Variants in ELAPOR2 observed in about 807,000 individuals in gnomAD.
ELAPOR2 encodes endosome/lysosome-associated apoptosis and autophagy regulator family member 2.
A neutral mutation model predicts 120.7 loss-of-function variants in ELAPOR2; 89 were observed. That is an observed-to-expected ratio of 0.74 (90% CI 0.62 to 0.88). ELAPOR2 has a LOEUF of 0.88. Among genes scored for constraint, ELAPOR2 ranks in the 40% least tolerant of loss-of-function variants. The pLI, the probability that ELAPOR2 is intolerant of heterozygous loss-of-function variation, is 0.00. For synonymous variants in ELAPOR2, 444 were observed against 444.9 expected, an observed-to-expected ratio of 1.00 and a Z score of 0.03; for missense variants, 1,134 against 1,251.6, an observed-to-expected ratio of 0.91 and a Z score of 1.42.
rs556431647 is a variant in ELAPOR2, at chr7:86,913,996, C to T, written c.1731+727G>A. 6.5e-4 allele frequency among the ~76,000 whole-genome samples: 99 copies of T among 152,300 alleles called. No individual in the cohort carries two copies. In the Middle Eastern group the frequency reaches 0.02, roughly 31 times the overall value. ...TTATCTTAACCTTCATAAGGAATAA[C>T]TGGAGTCAAGTACAATCTGGGGAAT... On this transcript the variant is annotated intron_variant, in intron 13 of 21. Transcript: ENST00000450689.
chr7:86,897,657 A>G, intron 18 of ELAPOR2, 25 bp from the exon 19 acceptor site: 1 of 1,612,234 alleles, frequency 6.2e-7, no homozygotes, highest in Non-Finnish European at 8.5e-7. Flanking sequence ...AAAACCAAAA[A>G]CACATAAGTG....
At chr7:87,011,391 C>A (rs891946556) in intron 1 of ELAPOR2, among the ~76,000 whole-genome samples, 1 of 152,162 alleles carries the variant, frequency 6.6e-6, no homozygotes, top group Admixed American at 6.5e-5. Context: ...GTCTGTATAC[C>A]TGAAAATAGC....
intron 1 of ELAPOR2, among the ~76,000 whole-genome samples, chr7:87,015,025 G>T (rs2116679750): frequency 6.6e-6 from 1 of 151,550 alleles, no homozygotes; most frequent in East Asian, 1.9e-4. Context: ...GTGGTGCGCT[G>T]CAGGAAAAAA....
intron 1 of ELAPOR2, among the ~76,000 whole-genome samples, chr7:87,054,875 T>C (rs996107718): frequency 6.6e-6 from 1 of 152,214 alleles, no homozygotes; most frequent in Non-Finnish European, 1.5e-5. Flanking sequence ...ATCGGGCAAC[T>C]GACACACAAT....
chr7:86,906,752 G>T (rs1789038036), intron 18 of ELAPOR2, among the ~76,000 whole-genome samples: 1 of 151,970 alleles, frequency 6.6e-6, no homozygotes, highest in Non-Finnish European at 1.5e-5. Context: ...AATCTGGCTG[G>T]GTGCAATGGG....
At chr7:86,969,446 C>T (rs1030213556) in intron 1 of ELAPOR2, among the ~76,000 whole-genome samples, 1 of 152,062 alleles carries the variant, frequency 6.6e-6, no homozygotes, top group Non-Finnish European at 1.5e-5. Flanking sequence ...ACATATATTG[C>T]ATCTTAAATA....
intron 1 of ELAPOR2, among the ~76,000 whole-genome samples, chr7:87,045,694 C>T (rs1254138872): frequency 1.3e-5 from 2 of 151,620 alleles, no homozygotes; most frequent in Admixed American, 1.3e-4. Context: ...ACCAGCATGG[C>T]ACATGTATAC....
At position 86,918,431 on chromosome 7, in the gene ELAPOR2, C is replaced by G; in HGVS notation, c.1593+11G>C. The G allele has an allele frequency of 1.3e-6, 2 of 1,574,444 alleles. No homozygotes were observed. The highest frequency in any genetic ancestry group is 2.2e-5 in the East Asian group (1 of 44,468). On this transcript the variant is annotated intron_variant, in intron 12 of 21. Coordinates refer to ENST00000450689, the MANE Select transcript of ELAPOR2 (RefSeq NM_001142749.3). ...TAGAAATCTGCCTTTGAAAGCCGCC[C>G]GTCCACTTACCACCATGAAGTACAA...
At chr7:86,914,622 C>G in intron 13 of ELAPOR2, 101 bp downstream of exon 13, 1 of 914,678 alleles carries the variant, frequency 1.1e-6, no homozygotes, top group Admixed American at 2.8e-5. Context: ...TTTTAAAAAG[C>G]AGTCCTTTCT....
At chr7:86,972,726 G>T (rs140648177) in intron 1 of ELAPOR2, among the ~76,000 whole-genome samples, 1 of 150,304 alleles carries the variant, frequency 6.7e-6, no homozygotes, top group African/African-American at 2.5e-5. Flanking sequence ...TGTCCTTTCC[G>T]CTTGAACCAC....
rs544332051 is a variant in ELAPOR2 at position 87,016,462 on chromosome 7, T to C, written c.189+42863A>G. On this transcript the variant is annotated intron_variant, in intron 1 of 21. Transcript: ENST00000450689. ...AGTAGGGTGTCAGTTAACAGTCCAT[T>C]TCCAGTGCTCTTAATTAAAGCACTG... Among the ~76,000 whole-genome samples the C allele has an allele frequency of 3.9e-5, 6 of 151,940 alleles. No homozygotes were observed. In the South Asian group the frequency reaches 1.2e-3, roughly 32 times the overall value.
intron 1 of ELAPOR2, chr7:86,966,009 T>A: frequency 1.0e-6 from 1 of 973,022 alleles, no homozygotes; most frequent in East Asian, 1.1e-4. Context: ...AATTTTAACA[T>A]TTTTTGCAAT....
At chr7:87,019,463 C>A (rs1034432107) in intron 1 of ELAPOR2, among the ~76,000 whole-genome samples, 1 of 152,058 alleles carries the variant, frequency 6.6e-6, no homozygotes, top group Admixed American at 6.6e-5. Flanking sequence ...GATGCCCAGC[C>A]CATTATATTT....
rs1325567178 is a variant in ELAPOR2 at position 86,942,091 on chromosome 7, T to C, written c.668A>G (p.Gln223Arg). 6 of 1,545,200 alleles carry C rather than the reference T, an allele frequency of 3.9e-6. No individual in the cohort carries two copies. The highest frequency in any genetic ancestry group is 4.9e-5 in the East Asian group (2 of 40,864). The change falls in exon 5 of 22, where the codon CAG (glutamine) becomes CGG (arginine). Residue 223 changes from glutamine (Q) to arginine (R), a missense_variant. Gln to Arg is a conservative substitution (Grantham distance 43). Transcript: ENST00000450689. ...IFFEFFIQND[Q>R]CQEMDTTTDK... is the part of the protein sequence containing the mutation. Reference sequence around the variant, plus strand: ...AGTGGTGGTGTCCATCTCCTGGCACTGATCATTTTGAATCTGTGGATTAAA... The same window carrying C: ...AGTGGTGGTGTCCATCTCCTGGCACCGATCATTTTGAATCTGTGGATTAAA...
chr7:87,049,106 A>G (rs1443718927), intron 1 of ELAPOR2, among the ~76,000 whole-genome samples: 1 of 152,190 alleles, frequency 6.6e-6, no homozygotes, highest in Non-Finnish European at 1.5e-5. Context: ...TCAATGTGCT[A>G]GGGATATAGT....
At chr7:86,885,210 T>C (rs1385819450) in intron 21 of ELAPOR2, among the ~76,000 whole-genome samples, 2 of 152,194 alleles carry the variant, frequency 1.3e-5, no homozygotes, top group Non-Finnish European at 2.9e-5. Context: ...TCTTTAAACA[T>C]GTCTCCAATA....
intron 1 of ELAPOR2, among the ~76,000 whole-genome samples, chr7:86,980,851 C>T (rs1001702826): frequency 2.6e-5 from 4 of 152,132 alleles, no homozygotes; most frequent in Non-Finnish European, 4.4e-5. Flanking sequence ...AAATGATTAA[C>T]GTTTCCCCCA....
At chr7:86,920,970 T>C (rs1789803376) in intron 10 of ELAPOR2, 2 of 152,192 alleles carry the variant, frequency 1.3e-5, no homozygotes, top group African/African-American at 4.8e-5. Flanking sequence ...GTGAGGTATG[T>C]TACAGGCCTC....
At chr7:87,040,740 G>T (rs1356951415) in intron 1 of ELAPOR2, among the ~76,000 whole-genome samples, 8 of 152,242 alleles carry the variant, frequency 5.3e-5, no homozygotes, top group Non-Finnish European at 1.2e-4. Flanking sequence ...TTCCTCACCA[G>T]CAACGGAACA....
Sources: gnomAD v4.1 joint callset for allele counts (sites outside exome capture counted in the v4.1 genomes callset) on GRCh38, gnomAD v4.1.1 for gene constraint, MANE v1.5 for transcripts, NCBI Gene and HGNC (gene_info 2026-07-23, HGNC 2026-07-21) for gene names.